IGF1R: variants seen among roughly 807,000 people sequenced by gnomAD.
The protein encoded by IGF1R is insulin like growth factor 1 receptor.
Under a neutral mutation model 144.6 loss-of-function variants are expected in IGF1R, and 44 were observed. The ratio of observed to expected loss-of-function variants is 0.30; its 90% confidence interval spans 0.24 to 0.39. IGF1R has a LOEUF of 0.39. Ranked by LOEUF, IGF1R falls within the 10% of genes least tolerant of loss-of-function variation. The probability of loss-of-function intolerance (pLI) is 1.00; values close to 1 mark genes in which losing one functional copy is unlikely to be tolerated. For missense variants in IGF1R, 1,355 were observed against 1,833.7 expected (o/e 0.74, Z 4.77); for synonymous variants, 795 against 722.8 (o/e 1.10, Z -1.60).
intron 1 of IGF1R, among the ~76,000 whole-genome samples, chr15:98,662,988 G>A (rs535038505): frequency 4.5e-4 from 69 of 152,314 alleles, no homozygotes; most frequent in African/African-American, 1.6e-3. Flanking sequence ...GGCTGCTCTG[G>A]TCTCTCGATG....
chr15:98,788,052 CTCTCTCTCTCTGTG>C (rs1225852754), intron 2 of IGF1R, among the ~76,000 whole-genome samples: 56 of 139,666 alleles, frequency 4.0e-4, no homozygotes, highest in African/African-American at 1.3e-3. Context: ...CTCTCTCTCT[CTCTCTCTCTCTGTG>C]TGTGTGTGTG....
chr15:98,661,303 G>C (rs1267216824), intron 1 of IGF1R, among the ~76,000 whole-genome samples: 2 of 152,120 alleles, frequency 1.3e-5, no homozygotes, highest in Admixed American at 6.5e-5. Context: ...ACAGTGTCCT[G>C]GTAGGGCGAC....
In IGF1R at chr15:98,962,517, ATGC is replaced by A. The variant is rs2017266410; in HGVS notation, c.*5078_*5080del. On this transcript the variant is annotated 3_prime_UTR_variant, in exon 21 of 21. Transcript: ENST00000650285. ...TTAGACTGAACCTCTGTTGCCAGAG[ATGC>A]TGAAGATACAGACCTTGGACAGGTC... 2 of 233,620 alleles carry A rather than the reference ATGC, an allele frequency of 8.6e-6. No homozygotes were observed. The highest frequency in any genetic ancestry group is 1.7e-5 in the Non-Finnish European group (2 of 118,054). The allele number at this position is 233,620 out of a possible 1,614,324, so 14.5% of individuals were successfully genotyped here. A position where few individuals can be genotyped will look rare whatever the true frequency, so the allele number is the denominator to read the frequency against.
At chr15:98,696,424 A>G (rs61434983) in intron 1 of IGF1R, among the ~76,000 whole-genome samples, 12,444 of 152,282 alleles carry the variant, frequency 0.082, 710 homozygotes, top group African/African-American at 0.15. Flanking sequence ...TTACTAAGCT[A>G]TTCAGATGTA....
chr15:98,742,295 A>G (rs1208745421), intron 2 of IGF1R, among the ~76,000 whole-genome samples: 1 of 152,226 alleles, frequency 6.6e-6, no homozygotes, highest in Non-Finnish European at 1.5e-5. Context: ...AGATCAGTTC[A>G]TGGATAAATG....
At chr15:98,758,916 T>C (rs917642140) in intron 2 of IGF1R, among the ~76,000 whole-genome samples, 3 of 152,224 alleles carry the variant, frequency 2.0e-5, no homozygotes, top group African/African-American at 7.2e-5. Flanking sequence ...AGAAAAAAGA[T>C]GTGCATGTCT....
chr15:98,662,126 T>C (rs1034846142), intron 1 of IGF1R, among the ~76,000 whole-genome samples: 11 of 151,858 alleles, frequency 7.2e-5, no homozygotes, highest in African/African-American at 2.7e-4. Flanking sequence ...ATTACAGGCG[T>C]GTGCCACCAC....
At chr15:98,852,886 A>G (rs1015025386) in intron 2 of IGF1R, among the ~76,000 whole-genome samples, 4 of 151,924 alleles carry the variant, frequency 2.6e-5, no homozygotes, top group African/African-American at 9.7e-5. Context: ...CTTCTCTTCC[A>G]TCTCCTGGTG....
At chr15:98,931,175 A>AG (rs1420539785) in intron 15 of IGF1R, among the ~76,000 whole-genome samples, 2 of 152,196 alleles carry the variant, frequency 1.3e-5, no homozygotes, top group Non-Finnish European at 2.9e-5. Context: ...CACTGTGGAA[A>AG]GGGCTGTGAG....
rs1291344929 is a variant in IGF1R at position 98,933,810 on chromosome 15, GT to G, written c.2957-1013del. On this transcript the variant is annotated intron_variant, in intron 15 of 20. Coordinates refer to ENST00000650285, the MANE Select transcript of IGF1R (RefSeq NM_000875.5). Reference sequence around the variant, plus strand: ...CTGCCCGTCCGCTGCCTAATTGCCTGTCCACGCTGGGCACCACCGGGTCTCT... The same window carrying G: ...CTGCCCGTCCGCTGCCTAATTGCCTGCCACGCTGGGCACCACCGGGTCTCT... Among the ~76,000 whole-genome samples, 3 of 151,988 alleles carry G rather than the reference GT, an allele frequency of 2.0e-5. No individual in the cohort carries two copies. In the East Asian group the frequency reaches 5.8e-4, roughly 29 times the overall value.
In IGF1R at chr15:98,825,761, A is replaced by C. The variant is rs138131531; in HGVS notation, c.641-65564A>C. Among the ~76,000 whole-genome samples the C allele has an allele frequency of 3.7e-4, 56 of 152,372 alleles. No individual in the cohort carries two copies. The East Asian group carries it at 0.01, about 27-fold the overall frequency. On this transcript the variant is annotated intron_variant, in intron 2 of 20. Coordinates refer to ENST00000650285, the MANE Select transcript of IGF1R (RefSeq NM_000875.5). ...TAATACAATGTAAATAGTTGTTATC[A>C]TGTATTATTAGGGAATAATGACAAG...
At chr15:98,688,227 T>C (rs1232665876) in intron 1 of IGF1R, among the ~76,000 whole-genome samples, 1 of 152,108 alleles carries the variant, frequency 6.6e-6, no homozygotes, top group Non-Finnish European at 1.5e-5. Flanking sequence ...CCCAAGTTCA[T>C]AGTGTCAGTA....
intron 2 of IGF1R, among the ~76,000 whole-genome samples, chr15:98,872,239 A>C (rs1333572784): frequency 6.6e-6 from 1 of 152,232 alleles, no homozygotes; most frequent in African/African-American, 2.4e-5. Context: ...TGAAATTTGA[A>C]ATATTTTAGA....
intron 9 of IGF1R, 129 bp downstream of exon 9, chr15:98,916,260 G>T (rs1300177334): frequency 1.4e-6 from 1 of 725,678 alleles, no homozygotes. Context: ...GCTATCTTCT[G>T]GTTTTTTTTT....
At chr15:98,856,895 G>GGT (rs796246031) in intron 2 of IGF1R, among the ~76,000 whole-genome samples, 3 of 152,232 alleles carry the variant, frequency 2.0e-5, no homozygotes, top group African/African-American at 7.2e-5. Flanking sequence ...GAAACCCTTT[G>GGT]GTACTACCTG....
At chr15:98,734,963 C>A (rs2054578583) in intron 2 of IGF1R, among the ~76,000 whole-genome samples, 1 of 152,136 alleles carries the variant, frequency 6.6e-6, no homozygotes, top group Non-Finnish European at 1.5e-5. Context: ...CAGTTTCTTG[C>A]ATTAAAACAA....
intron 1 of IGF1R, among the ~76,000 whole-genome samples, chr15:98,706,005 G>T (rs930607966): frequency 5.3e-5 from 8 of 152,176 alleles, no homozygotes; most frequent in African/African-American, 1.7e-4. Flanking sequence ...TAAATCCTAG[G>T]CACCCTTTGG....
intron 2 of IGF1R, among the ~76,000 whole-genome samples, chr15:98,776,261 T>C (rs2055712359): frequency 6.6e-6 from 1 of 152,062 alleles, no homozygotes; most frequent in African/African-American, 2.4e-5. Context: ...CTCAGGTCAC[T>C]GCAACCTCCG....
intron 1 of IGF1R, chr15:98,660,135 T>C (rs555419950): frequency 4.6e-5 from 7 of 152,264 alleles, no homozygotes; most frequent in Non-Finnish European, 1.0e-4. Flanking sequence ...CGGAAATCTT[T>C]GTTTGGCTGT....
Sources: allele counts gnomAD v4.1 joint callset (sites outside exome capture counted in the v4.1 genomes callset), GRCh38; gene constraint gnomAD v4.1.1; transcripts MANE v1.5; gene names NCBI Gene and HGNC (gene_info 2026-07-23, HGNC 2026-07-21).